KHDRBS2: variants seen among roughly 807,000 people sequenced by gnomAD.
KHDRBS2 encodes the protein KH domain-containing, RNA-binding, signal transduction-associated protein 2.
A neutral mutation model predicts 44.3 loss-of-function variants in KHDRBS2; 26 were observed. That is an observed-to-expected ratio of 0.59 (90% CI 0.43 to 0.81). The LOEUF (loss-of-function observed/expected upper bound fraction) is 0.81. Ranked by LOEUF, KHDRBS2 falls within the 40% of genes least tolerant of loss-of-function variation. The pLI, the probability that KHDRBS2 is intolerant of heterozygous loss-of-function variation, is 0.00. For missense variants in KHDRBS2, 476 were observed against 433.1 expected (o/e 1.10, Z -0.88); for synonymous variants, 194 against 151.1 (o/e 1.28, Z -2.08).
At chr6:61,554,464 G>T in the KHDRBS2 span, among the ~76,000 whole-genome samples, 1 of 150,124 alleles carries the variant, frequency 6.7e-6, no homozygotes, top group Admixed American at 6.6e-5. Flanking sequence ...TATCTAACTT[G>T]TCAATCTACA....
At chr6:61,978,962 G>T (rs1288472611) in intron 3 of KHDRBS2, among the ~76,000 whole-genome samples, 5 of 151,978 alleles carry the variant, frequency 3.3e-5, no homozygotes, top group Non-Finnish European at 7.4e-5. Flanking sequence ...AATTGCTTTT[G>T]CACCAACCTA....
intron 2 of KHDRBS2, among the ~76,000 whole-genome samples, chr6:62,116,848 A>G (rs1297317895): frequency 1.3e-5 from 2 of 152,102 alleles, no homozygotes; most frequent in Non-Finnish European, 2.9e-5. Flanking sequence ...CATGCATATG[A>G]GGAAGAACAA....
chr6:61,890,591 T>C (rs1801670565), intron 6 of KHDRBS2, among the ~76,000 whole-genome samples: 1 of 152,210 alleles, frequency 6.6e-6, no homozygotes. Context: ...AACTGATCTG[T>C]TTAAGCCTCT....
chr6:61,799,708 A>G (rs1785956155), intron 6 of KHDRBS2, among the ~76,000 whole-genome samples: 1 of 152,032 alleles, frequency 6.6e-6, no homozygotes, highest in African/African-American at 2.4e-5. Flanking sequence ...GTTAGAATGT[A>G]TTGAGATAGT....
At chr6:61,587,286 C>G in the KHDRBS2 span, among the ~76,000 whole-genome samples, 1 of 152,128 alleles carries the variant, frequency 6.6e-6, no homozygotes, top group Non-Finnish European at 1.5e-5. Flanking sequence ...ACTGAAATCT[C>G]ACCATCATTT....
intron 1 of KHDRBS2, among the ~76,000 whole-genome samples, chr6:62,221,880 G>T (rs889179549): frequency 3.2e-4 from 49 of 152,080 alleles, no homozygotes; most frequent in African/African-American, 1.2e-3. Flanking sequence ...TTAAAAAACT[G>T]ACCCTAAACT....
At chr6:61,554,318 A>G in the KHDRBS2 span, among the ~76,000 whole-genome samples, 1 of 152,020 alleles carries the variant, frequency 6.6e-6, no homozygotes, top group African/African-American at 2.4e-5. Context: ...TGAAATTAGA[A>G]GAGCAACCCC....
chr6:61,601,317 G>A, the KHDRBS2 span, among the ~76,000 whole-genome samples: 121,901 of 151,692 alleles, frequency 0.8, 49,424 homozygotes, highest in African/African-American at 0.9. Context: ...CTCCTTCACT[G>A]TAGGCAAACT....
downstream of KHDRBS2, among the ~76,000 whole-genome samples, chr6:61,678,731 C>CA (rs1452486984): frequency 6.6e-6 from 1 of 151,960 alleles, no homozygotes. Context: ...TCAAAGAGGA[C>CA]AAAAAATACT....
At chr6:61,987,356 G>A (rs1775237974) in intron 3 of KHDRBS2, among the ~76,000 whole-genome samples, 1 of 152,008 alleles carries the variant, frequency 6.6e-6, no homozygotes, top group African/African-American at 2.4e-5. Flanking sequence ...TCCAATGACA[G>A]GAATAAACCA....
intron 4 of KHDRBS2, among the ~76,000 whole-genome samples, chr6:61,954,284 T>A (rs1404069834): frequency 6.6e-6 from 1 of 151,508 alleles, no homozygotes; most frequent in Non-Finnish European, 1.5e-5. Context: ...AATGTGCGTG[T>A]GTCTACATAT....
intron 1 of KHDRBS2, among the ~76,000 whole-genome samples, chr6:62,241,742 AC>A (rs1207680663): frequency 6.7e-6 from 1 of 148,318 alleles, no homozygotes; most frequent in Non-Finnish European, 1.5e-5. Flanking sequence ...GATGCCTGGG[AC>A]ATAGTTATTG....
chr6:62,183,979 A>G (rs1822907199), intron 1 of KHDRBS2, among the ~76,000 whole-genome samples: 1 of 151,754 alleles, frequency 6.6e-6, no homozygotes, highest in African/African-American at 2.4e-5. Flanking sequence ...CACCAAGTAA[A>G]GTTTATACCA....
At chr6:62,019,459 T>C (rs1489104516) in intron 3 of KHDRBS2, among the ~76,000 whole-genome samples, 1 of 152,146 alleles carries the variant, frequency 6.6e-6, no homozygotes, top group East Asian at 1.9e-4. Flanking sequence ...GCTGGCATCA[T>C]AGAATGAACT....
chr6:61,653,898 A>C, the KHDRBS2 span, among the ~76,000 whole-genome samples: 1 of 5,918 alleles, frequency 1.7e-4, no homozygotes, highest in South Asian at 4.7e-3. Flanking sequence ...GCAAGATCGC[A>C]ATGTTTCAAC....
At chr6:61,818,846 G>C (rs1027737887) in intron 6 of KHDRBS2, among the ~76,000 whole-genome samples, 1 of 151,738 alleles carries the variant, frequency 6.6e-6, no homozygotes, top group Non-Finnish European at 1.5e-5. Flanking sequence ...CCCTAACAAT[G>C]TTTTTCCTTG....
intron 1 of KHDRBS2, among the ~76,000 whole-genome samples, chr6:62,243,582 A>C (rs176610): frequency 0.17 from 25,268 of 150,240 alleles, 2,339 homozygotes; most frequent in African/African-American, 0.25. Context: ...TGTAGACTCA[A>C]ACATAATACA....
chr6:61,547,298 C>T, the KHDRBS2 span, among the ~76,000 whole-genome samples: 1 of 152,116 alleles, frequency 6.6e-6, no homozygotes, highest in Non-Finnish European at 1.5e-5. Flanking sequence ...TTCACCCTTA[C>T]ATTCTTTTAA....
At chr6:61,803,413 G>T (rs1786607865) in intron 6 of KHDRBS2, among the ~76,000 whole-genome samples, 1 of 152,100 alleles carries the variant, frequency 6.6e-6, no homozygotes, top group African/African-American at 2.4e-5. Context: ...ACGTATTACT[G>T]AGAAGCACAT....
Sources: gnomAD v4.1 joint callset for allele counts (sites outside exome capture counted in the v4.1 genomes callset) on GRCh38, gnomAD v4.1.1 for gene constraint, MANE v1.5 for transcripts, NCBI Gene and HGNC (gene_info 2026-07-23, HGNC 2026-07-21) for gene names.